The following TBCA variants were observed in gnomAD, a reference collection of about 807,000 sequenced individuals.
The protein encoded by TBCA is tubulin-specific chaperone A.
Under a neutral mutation model 15.8 loss-of-function variants are expected in TBCA, and 6 were observed. That is an observed-to-expected ratio of 0.38 (90% CI 0.21 to 0.75). TBCA has a LOEUF of 0.75. TBCA is among the 30% of genes least tolerant of loss of function. The pLI is 0.46. For synonymous variants in TBCA, 32 were observed against 42.3 expected (o/e 0.76, Z 0.94); for missense variants, 90 against 131.2 (o/e 0.69, Z 1.53).
At chr5:77,746,895 T>C (rs774929416) in intron 1 of TBCA, among the ~76,000 whole-genome samples, 1 of 152,118 alleles carries the variant, frequency 6.6e-6, no homozygotes, top group East Asian at 1.9e-4. Context: ...CGAAATAAAA[T>C]TGTTTTAAAA....
At chr5:77,709,294 G>C (rs567182452) in intron 1 of TBCA, among the ~76,000 whole-genome samples, 1 of 152,136 alleles carries the variant, frequency 6.6e-6, no homozygotes, top group East Asian at 1.9e-4. Context: ...AAGTACATCA[G>C]GAAAAGTTTC....
intron 1 of TBCA, among the ~76,000 whole-genome samples, chr5:77,720,941 C>T (rs1746517205): frequency 6.6e-6 from 1 of 152,050 alleles, no homozygotes; most frequent in Admixed American, 6.6e-5. Flanking sequence ...GAGGAATATC[C>T]AACATCATCA....
intron 1 of TBCA, among the ~76,000 whole-genome samples, chr5:77,717,116 T>C (rs1031812954): frequency 6.6e-6 from 1 of 152,192 alleles, no homozygotes; most frequent in African/African-American, 2.4e-5. Flanking sequence ...GTCAATCTAG[T>C]CAGAGAACTG....
intron 1 of TBCA, among the ~76,000 whole-genome samples, chr5:77,748,842 C>A (rs538145701): frequency 1.3e-5 from 2 of 152,158 alleles, no homozygotes; most frequent in South Asian, 4.1e-4. Context: ...TGTATTCTTA[C>A]AATAAAATAA....
chr5:77,771,801 C>G (rs1452502021), intron 1 of TBCA, among the ~76,000 whole-genome samples: 1 of 152,184 alleles, frequency 6.6e-6, no homozygotes. Flanking sequence ...AAGTGTTCCA[C>G]CAGGTCTAAT....
chr5:77,733,905 T>C (rs554035915), intron 1 of TBCA, among the ~76,000 whole-genome samples: 2 of 152,348 alleles, frequency 1.3e-5, no homozygotes, highest in East Asian at 1.9e-4. Context: ...ACTCTCTTGC[T>C]AGGTGCTAAT....
In TBCA at chr5:77,729,801, G is replaced by A. The variant is rs72772825; in HGVS notation, c.54-21454C>T. Reference sequence around the variant, plus strand: ...CCACTATTGACCAATCTTCCTTCATGTTAGTTAATACATTCTCTTTGTGAA... The same window carrying A: ...CCACTATTGACCAATCTTCCTTCATATTAGTTAATACATTCTCTTTGTGAA... On this transcript the variant is annotated intron_variant, in intron 1 of 3. Coordinates refer to ENST00000380377, the MANE Select transcript of TBCA (RefSeq NM_004607.3). 9.6e-3 allele frequency among the ~76,000 whole-genome samples: 1,455 copies of A among 152,236 alleles called. 15 individuals carry two copies. The highest frequency in any genetic ancestry group is 0.015 in the Non-Finnish European group (1,050 of 68,020).
chr5:77,724,501 G>A (rs1176276941), intron 1 of TBCA, among the ~76,000 whole-genome samples: 1 of 152,186 alleles, frequency 6.6e-6, no homozygotes, highest in East Asian at 1.9e-4. Context: ...CAACATGTCA[G>A]AGGACAATAC....
chr5:77,724,232 A>G (rs1395009680), intron 1 of TBCA, among the ~76,000 whole-genome samples: 3 of 152,050 alleles, frequency 2.0e-5, no homozygotes, highest in Non-Finnish European at 4.4e-5. Context: ...TATATCTGTC[A>G]TATGTGCTTT....
At chr5:77,701,771 T>C (rs1163940863) in intron 2 of TBCA, among the ~76,000 whole-genome samples, 1 of 142,726 alleles carries the variant, frequency 7.0e-6, no homozygotes, top group Non-Finnish European at 1.5e-5. Context: ...TTAATGGCAT[T>C]TGCAGCAACT....
chr5:77,717,744 A>G (rs1367344724), intron 1 of TBCA, among the ~76,000 whole-genome samples: 1 of 151,958 alleles, frequency 6.6e-6, no homozygotes. Flanking sequence ...AGGCAGGAGA[A>G]TCGCTTGAAA....
Position 77,766,777 on chromosome 5 carries a change from G to A in TBCA, c.53+9428C>T, listed in dbSNP as rs1389157999. ...CTCCCAAAGTGCTGGGATTACAGGC[G>A]TGAGCCACCGCGCCCGGCTCTCACT... On this transcript the variant is annotated intron_variant, in intron 1 of 3. Coordinates refer to ENST00000380377, the MANE Select transcript of TBCA (RefSeq NM_004607.3). Among the ~76,000 whole-genome samples, 2 of 22,190 alleles carry A rather than the reference G, an allele frequency of 9.0e-5. 1 individual carries two copies. Among genetic ancestry groups the A allele is most frequent in the Admixed American group, 9.5e-4 (2 of 2,100 alleles). The allele number at this position is 22,190 out of a possible 152,430, so 14.6% of individuals were successfully genotyped here.
chr5:77,756,866 A>C (rs1336256266), intron 1 of TBCA, among the ~76,000 whole-genome samples: 1 of 150,346 alleles, frequency 6.7e-6, no homozygotes, highest in Non-Finnish European at 1.5e-5. Context: ...AACACCCCAA[A>C]AACAGGTGAA....
At chr5:77,703,932 CT>C (rs35970459) in intron 2 of TBCA, among the ~76,000 whole-genome samples, 57,997 of 151,666 alleles carry the variant, frequency 0.38, 11,118 homozygotes, top group South Asian at 0.41. Context: ...TGAGTGAGTT[CT>C]CATGAGATCA....
intron 1 of TBCA, 81 bp from the exon 2 acceptor site, chr5:77,708,428 A>ATGTT: frequency 7.6e-6 from 6 of 788,980 alleles, no homozygotes; most frequent in South Asian, 1.8e-5. Flanking sequence ...TATAAAACAT[A>ATGTT]TTATATTTAA....
In TBCA at chr5:77,775,562, T is replaced by A. The variant is rs35525550; in HGVS notation, c.53+643A>T. 2.2e-3 allele frequency among the ~76,000 whole-genome samples: 332 copies of A among 152,354 alleles called. 2 individuals are homozygous for A. The highest frequency in any genetic ancestry group is 3.5e-3 in the Non-Finnish European group (240 of 68,030). On this transcript the variant is annotated intron_variant, in intron 1 of 3. Transcript: ENST00000380377. The stretch of plus-strand genomic sequence containing the variant: ...CCAAATTAAGACCTGTCTCAGATAC[T>A]TCTGGTTCACAAGTTATTTAAACAG...
chr5:77,758,054 G>A (rs1455987437), intron 1 of TBCA, among the ~76,000 whole-genome samples: 1 of 152,174 alleles, frequency 6.6e-6, no homozygotes. Context: ...AAAAGCTTTA[G>A]AACAGGAAAG....
intron 2 of TBCA, among the ~76,000 whole-genome samples, chr5:77,707,777 T>G (rs1486545064): frequency 1.3e-5 from 2 of 151,988 alleles, no homozygotes; most frequent in African/African-American, 2.4e-5. Flanking sequence ...TAGTCCATTT[T>G]TATATCTGAT....
Position 77,776,330 on chromosome 5 carries a change from G to A in TBCA, c.-73C>T. The A allele has an allele frequency of 6.6e-7, 1 of 1,526,612 alleles. No individual in the cohort carries two copies. The highest frequency in any genetic ancestry group is 1.2e-5 in the South Asian group (1 of 83,414). The allele number at this position is 1,526,612 out of a possible 1,614,324, so 94.6% of individuals were successfully genotyped here. A position where few individuals can be genotyped will look rare whatever the true frequency, so the allele number is the denominator to read the frequency against. ...GTGGAGGGCGACGCGCAGAGGCTGC[G>A]GCTATTTAGGCGTGGTCGCCGGCGC... On this transcript the variant is annotated 5_prime_UTR_variant, in exon 1 of 4. Coordinates refer to ENST00000380377, the MANE Select transcript of TBCA (RefSeq NM_004607.3).
Sources: gnomAD v4.1 joint callset for allele counts (sites outside exome capture counted in the v4.1 genomes callset) on GRCh38, gnomAD v4.1.1 for gene constraint, MANE v1.5 for transcripts, NCBI Gene and HGNC (gene_info 2026-07-23, HGNC 2026-07-21) for gene names.